Variants in GRIN2C observed in about 807,000 individuals in gnomAD.
GRIN2C encodes the protein glutamate ionotropic receptor NMDA type subunit 2C.
GRIN2C carries 64 observed loss-of-function variants against 77.7 expected under a neutral mutation model. That is an observed-to-expected ratio of 0.82 (90% CI 0.67 to 1.01). GRIN2C has a LOEUF of 1.01. GRIN2C is among the 50% of genes least tolerant of loss of function. The pLI is 0.00. For synonymous variants in GRIN2C, 792 were observed against 643.4 expected (o/e 1.23, Z -3.49); for missense variants, 1,549 against 1,486.0 (o/e 1.04, Z -0.70).
Position 74,850,539 on chromosome 17 carries a change from C to A in GRIN2C, c.1325+17G>T, listed in dbSNP as rs777872265. The A allele has an allele frequency of 6.2e-6, 10 of 1,612,060 alleles. No homozygotes were observed. In the Admixed American group the frequency reaches 1.7e-4, roughly 27 times the overall value. ...CAGCACCCAGCTCACACTAGCCTCCCAGGGCCCTCCACAGACCTGAAGGTG... is the reference window on the plus strand; with the variant it reads ...CAGCACCCAGCTCACACTAGCCTCCAAGGGCCCTCCACAGACCTGAAGGTG... On this transcript the variant is annotated intron_variant, in intron 5 of 12. Transcript: ENST00000293190. The surrounding 1 kb of genome is among the most constrained non-coding windows in gnomAD (Gnocchi z 5.3).
chr17:74,852,574 A>C lies in GRIN2C; in HGVS notation c.437T>G (p.Leu146Arg). The C allele has an allele frequency of 6.8e-7, 1 of 1,477,898 alleles. No individual in the cohort carries two copies. Among genetic ancestry groups the C allele is most frequent in the Non-Finnish European group, 9.0e-7 (1 of 1,114,100 alleles). The allele number at this position is 1,477,898 out of a possible 1,614,324, so 91.5% of individuals were successfully genotyped here. A position where few individuals can be genotyped will look rare whatever the true frequency, so the allele number is the denominator to read the frequency against. The change falls in exon 3 of 13, where the codon CTG (leucine) becomes CGG (arginine). Residue 146 changes from leucine to arginine, a missense_variant. Leu to Arg is a moderately radical substitution (Grantham distance 102, BLOSUM62 -2). Coordinates refer to ENST00000293190, the MANE Select transcript of GRIN2C (RefSeq NM_000835.6). ...GAACAGCACCTGCAGCTGCTGCTCC[A>C]GGGACACGCCCAGCTGCAGGAAGGC... Reference protein sequence around the residue: ...GSAFLQLGVSLEQQLQVLFKV... With the variant: ...GSAFLQLGVSREQQLQVLFKV...
chr17:74,855,880 C>G (rs965250117), intron 1 of GRIN2C, among the ~76,000 whole-genome samples: 3 of 152,244 alleles, frequency 2.0e-5, no homozygotes, highest in African/African-American at 7.2e-5. Flanking sequence ...ACAGCCCTTC[C>G]TTCTGTGGCC....
At position 74,842,479 on chromosome 17, in the gene GRIN2C, G is replaced by A; in HGVS notation, c.3658C>T (p.Pro1220Ser). ...CTGGAGATCCGTCTCCAGGTGCAGG[G>A]TCCCGGGAAGCCTTGCGTCCCACGG... is the stretch of plus-strand genomic sequence containing the variant. Reference protein sequence around the residue: ...VARGTQGFPGPCTWRRISSLE... With the variant: ...VARGTQGFPGSCTWRRISSLE... Residue 1220 changes from proline to serine, a missense_variant, in exon 13 of 13, where the codon CCC becomes TCC. Physicochemically the swap from Pro to Ser is moderately conservative, Grantham distance 74 (BLOSUM62 -1). This residue lies in a region of GRIN2C where 450 missense variants were observed against 267.9 expected (regional missense o/e 1.68). Coordinates refer to ENST00000293190, the MANE Select transcript of GRIN2C (RefSeq NM_000835.6). 2 of 778,182 alleles carry A rather than the reference G, an allele frequency of 2.6e-6. No homozygotes were observed. The highest frequency in any genetic ancestry group is 4.8e-6 in the Non-Finnish European group (2 of 417,422). The allele number at this position is 778,182 out of a possible 1,614,324, so 48.2% of individuals were successfully genotyped here. A position where few individuals can be genotyped will look rare whatever the true frequency, so the allele number is the denominator to read the frequency against.
intron 7 of GRIN2C, among the ~76,000 whole-genome samples, chr17:74,848,729 C>T (rs2037538112): frequency 6.6e-6 from 1 of 151,686 alleles, no homozygotes; most frequent in African/African-American, 2.4e-5. Context: ...GAAATCACTA[C>T]TATTGGCCAG....
In GRIN2C at chr17:74,849,774, C is replaced by T. The variant is rs1287231827; in HGVS notation, c.1645+6G>A. 1.9e-6 allele frequency: 3 copies of T among 1,610,892 alleles called. No individual in the cohort carries two copies. Among genetic ancestry groups the T allele is most frequent in the East Asian group, 2.2e-5 (1 of 44,850 alleles). On this transcript the variant is annotated splice_donor_region_variant and intron_variant, in intron 7 of 12. Transcript: ENST00000293190. This position sits in a 1 kb window ranked among gnomAD's most constrained non-coding sequence, Gnocchi z 4.6. ...CGGAGCCGTCTCTGCCCACCCTGGG[C>T]CTCACCCAAGAAGGCCGAGGGGGAG... is the stretch of plus-strand genomic sequence containing the variant.
chr17:74,846,774 G>T lies in GRIN2C; in HGVS notation c.2148C>A (p.Thr716=). The change falls in exon 10 of 13, where the codon ACC becomes ACA. Residue 716 remains threonine, a synonymous_variant. Transcript: ENST00000293190. The surrounding 1 kb of genome is among the most constrained non-coding windows in gnomAD (Gnocchi z 4.4). The part of the protein sequence containing the change: ...FNQRSVEDAL[T]SLKMGKLDAF... Reference sequence around the variant, plus strand: ...TGGGGACCCACCCCATCTTGAGGCTGGTGAGCGCGTCCTCCACCGAGCGCT... The same window carrying T: ...TGGGGACCCACCCCATCTTGAGGCTTGTGAGCGCGTCCTCCACCGAGCGCT... 1.2e-6 allele frequency: 2 copies of T among 1,613,812 alleles called. No individual in the cohort carries two copies. Among genetic ancestry groups the T allele is most frequent in the Non-Finnish European group, 1.7e-6 (2 of 1,179,872 alleles).
rs2037302669 is a variant in GRIN2C, at chr17:74,842,109, C to A, written c.*326G>T. 9.1e-6 allele frequency: 3 copies of A among 330,136 alleles called. No individual in the cohort carries two copies. Among genetic ancestry groups the A allele is most frequent in the Non-Finnish European group, 1.7e-5 (3 of 180,090 alleles). 20.5% of individuals were successfully genotyped at this position (330,136 alleles called of 1,614,324 possible). ...AGCAAGGATCGGGATGGCCCTGCCT[C>A]AACCACAAGTTCCAGCCTCCATGCC... On this transcript the variant is annotated 3_prime_UTR_variant, in exon 13 of 13. Transcript: ENST00000293190.
intron 11 of GRIN2C, 133 bp from the exon 12 acceptor site, chr17:74,844,641 A>G: frequency 7.0e-7 from 1 of 1,435,854 alleles, no homozygotes; most frequent in African/African-American, 1.4e-5. Flanking sequence ...CAAGCAGACC[A>G]CATGGGGATC....
At chr17:74,857,531 C>T (rs542215685) in intron 1 of GRIN2C, among the ~76,000 whole-genome samples, 1 of 152,282 alleles carries the variant, frequency 6.6e-6, no homozygotes, top group East Asian at 1.9e-4. Context: ...CCATGCCATG[C>T]CTCAGCTGCC....
rs563410340 is a variant in GRIN2C at position 74,849,468 on chromosome 17, G to A, written c.1645+312C>T. Among the ~76,000 whole-genome samples the A allele has an allele frequency of 6.6e-6, 1 of 152,170 alleles. No homozygotes were observed. The highest frequency in any genetic ancestry group is 2.4e-5 in the African/African-American group (1 of 41,508). ...AACTCCCCACGGGCCTCCCCCACTC[G>A]TTCCACAGTCCTGGGCCATGGCCCA... On this transcript the variant is annotated intron_variant, in intron 7 of 12. Transcript: ENST00000293190. The surrounding 1 kb of genome is among the most constrained non-coding windows in gnomAD (Gnocchi z 4.6).
rs542562116 is a variant in GRIN2C at position 74,848,037 on chromosome 17, G to T, written c.1646-60C>A. 8 of 1,594,540 alleles carry T rather than the reference G, an allele frequency of 5.0e-6. No individual in the cohort carries two copies. The South Asian group carries it at 7.7e-5, about 15-fold the overall frequency. ...CATGTTCCCTGCCCCAGGCCCAGAA[G>T]CACTGGGTGGAGACAGGTAGGTCCA... On this transcript the variant is annotated intron_variant, in intron 7 of 12. Coordinates refer to ENST00000293190, the MANE Select transcript of GRIN2C (RefSeq NM_000835.6).
At chr17:74,858,871 G>C (rs1310025184) in intron 1 of GRIN2C, among the ~76,000 whole-genome samples, 1 of 151,998 alleles carries the variant, frequency 6.6e-6, no homozygotes, top group Non-Finnish European at 1.5e-5. Flanking sequence ...CCCCAGGCTG[G>C]AATGTCCTCA....
intron 4 of GRIN2C, chr17:74,851,334 A>G (rs942742689): frequency 2.0e-5 from 9 of 461,020 alleles, no homozygotes; most frequent in African/African-American, 5.9e-5. Context: ...AGGAGATAGG[A>G]GCGCTTGAAA....
chr17:74,855,063 C>T lies in GRIN2C; in HGVS notation c.30G>A (p.Leu10=), dbSNP rs903727604. The change falls in exon 2 of 13, where the codon TTG becomes TTA. Residue 10 remains leucine, a synonymous_variant. Coordinates refer to ENST00000293190, the MANE Select transcript of GRIN2C (RefSeq NM_000835.6). ...CCCAGGCACCGAAGAGCGAGGTGAGCAACAGGGCCGGCCCCAGGGCCCCAC... is the reference window on the plus strand; with the variant it reads ...CCCAGGCACCGAAGAGCGAGGTGAGTAACAGGGCCGGCCCCAGGGCCCCAC... The part of the protein sequence containing the change: MGGALGPAL[L]LTSLFGAWAG... 4 of 1,594,454 alleles carry T rather than the reference C, an allele frequency of 2.5e-6. No individual in the cohort carries two copies. Among genetic ancestry groups the T allele is most frequent in the Non-Finnish European group, 3.4e-6 (4 of 1,176,602 alleles).
In GRIN2C at chr17:74,849,017, C is replaced by CA. The variant is rs60336063; in HGVS notation, c.1645+762dup. On this transcript the variant is annotated intron_variant, in intron 7 of 12. Transcript: ENST00000293190. This position sits in a 1 kb window ranked among gnomAD's most constrained non-coding sequence, Gnocchi z 4.6. ...TGGGTGACAGAGGAACACCCTGTCTCAAAAAAAAAAAGGAAGGAAAGAAGA... is the reference window on the plus strand; with the variant it reads ...TGGGTGACAGAGGAACACCCTGTCTCAAAAAAAAAAAAGGAAGGAAAGAAGA... 2.9e-3 allele frequency among the ~76,000 whole-genome samples: 238 copies of CA among 80,696 alleles called. 1 individual carries two copies. The East Asian group carries it at 0.037, about 13-fold the overall frequency. 52.9% of individuals were successfully genotyped at this position (80,696 alleles called of 152,430 possible). A position where few individuals can be genotyped will look rare whatever the true frequency, so the allele number is the denominator to read the frequency against.
Position 74,847,708 on chromosome 17 carries a change from G to T in GRIN2C, c.1771+144C>A. On this transcript the variant is annotated intron_variant, in intron 8 of 12. Coordinates refer to ENST00000293190, the MANE Select transcript of GRIN2C (RefSeq NM_000835.6). This position sits in a 1 kb window ranked among gnomAD's most constrained non-coding sequence, Gnocchi z 5.2. ...AGCTCACGTGTGTGTTTCTGTGTGT[G>T]TGTGTCATCTGACTGGCCCCCAGCA... The T allele has an allele frequency of 1.2e-6, 1 of 859,214 alleles. No individual in the cohort carries two copies. The highest frequency in any genetic ancestry group is 1.8e-6 in the Non-Finnish European group (1 of 541,966). 53.2% of individuals were successfully genotyped at this position (859,214 alleles called of 1,614,324 possible). A position where few individuals can be genotyped will look rare whatever the true frequency, so the allele number is the denominator to read the frequency against.
chr17:74,847,642 G>C lies in GRIN2C; in HGVS notation c.1772-105C>G. The C allele has an allele frequency of 1.1e-6, 1 of 948,840 alleles. No homozygotes were observed. The highest frequency in any genetic ancestry group is 1.5e-5 in the South Asian group (1 of 68,760). The allele number at this position is 948,840 out of a possible 1,614,324, so 58.8% of individuals were successfully genotyped here. A position where few individuals can be genotyped will look rare whatever the true frequency, so the allele number is the denominator to read the frequency against. ...ACAGCTCCGGTCTCAGCCTGGCCTTGGGGGGGACGCGTCCTGGCCATTCCC... is the reference window on the plus strand; with the variant it reads ...ACAGCTCCGGTCTCAGCCTGGCCTTCGGGGGGACGCGTCCTGGCCATTCCC... On this transcript the variant is annotated intron_variant, in intron 8 of 12. Coordinates refer to ENST00000293190, the MANE Select transcript of GRIN2C (RefSeq NM_000835.6). This position sits in a 1 kb window ranked among gnomAD's most constrained non-coding sequence, Gnocchi z 5.2.
Position 74,842,348 on chromosome 17 carries a change from C to A in GRIN2C, c.*87G>T. 2.9e-6 allele frequency: 2 copies of A among 678,488 alleles called. No individual in the cohort carries two copies. The highest frequency in any genetic ancestry group is 2.5e-5 in the Admixed American group (1 of 40,620). 42.0% of individuals were successfully genotyped at this position (678,488 alleles called of 1,614,324 possible). A position where few individuals can be genotyped will look rare whatever the true frequency, so the allele number is the denominator to read the frequency against. On this transcript the variant is annotated 3_prime_UTR_variant, in exon 13 of 13. Transcript: ENST00000293190. ...CATGGCCAGGATTTCATGGCAGAAG[C>A]CAGAAAAGCCCAATCCTGCCTGCCG...
rs1049201773 is a variant in GRIN2C, at chr17:74,843,494, G to A, written c.2643C>T (p.Ser881=). The A allele has an allele frequency of 2.0e-6, 3 of 1,533,734 alleles. No homozygotes were observed. Among genetic ancestry groups the A allele is most frequent in the Admixed American group, 3.9e-5 (2 of 50,964 alleles). ...QSLASPPRQA[S]PDLTASSAQA... is the part of the protein sequence containing the mutation. ...GGGCCGAGCTGGCCGTGAGGTCCGG[G>A]CTGGCCTGCCGCGGTGGGCTGGCGA... is the stretch of plus-strand genomic sequence containing the variant. The change falls in exon 13 of 13, where the codon AGC becomes AGT. Residue 881 remains serine (S), a synonymous_variant. Coordinates refer to ENST00000293190, the MANE Select transcript of GRIN2C (RefSeq NM_000835.6).
Sources: allele counts gnomAD v4.1 joint callset (sites outside exome capture counted in the v4.1 genomes callset), GRCh38; gene constraint gnomAD v4.1.1; regional missense constraint gnomAD v4.1.1; non-coding constraint Gnocchi (gnomAD v3.1); transcripts MANE v1.5; gene names NCBI Gene and HGNC (gene_info 2026-07-23, HGNC 2026-07-21).